ARHGEF7: variants seen among roughly 807,000 people sequenced by gnomAD.
ARHGEF7 encodes PAK-interacting exchange factor beta.
Under a neutral mutation model 109.8 loss-of-function variants are expected in ARHGEF7, and 33 were observed. That is an observed-to-expected ratio of 0.30 (90% CI 0.23 to 0.40). The LOEUF (loss-of-function observed/expected upper bound fraction) is 0.40. Among genes scored for constraint, ARHGEF7 ranks in the 10% least tolerant of loss-of-function variants. The probability of loss-of-function intolerance (pLI) is 1.00; values close to 1 mark genes in which losing one functional copy is unlikely to be tolerated. For missense variants in ARHGEF7, 938 were observed against 1,098.5 expected (o/e 0.85, Z 2.07); for synonymous variants, 458 against 424.6 (o/e 1.08, Z -0.97).
At chr13:111,284,079 G>A (rs1257649080) in intron 16 of ARHGEF7, among the ~76,000 whole-genome samples, 2 of 152,314 alleles carry the variant, frequency 1.3e-5, no homozygotes, top group Admixed American at 6.5e-5. Context: ...TGAGATGAGA[G>A]TTGTTTTCAT....
intron 16 of ARHGEF7, 178 bp downstream of exon 16, chr13:111,283,541 G>T (rs2092883769): frequency 2.8e-6 from 2 of 726,454 alleles, no homozygotes; most frequent in Non-Finnish European, 3.4e-6. Context: ...GAGGCCCGTG[G>T]TAACCTGTGT....
intron 5 of ARHGEF7, 150 bp downstream of exon 5, chr13:111,218,030 C>A: frequency 1.3e-6 from 1 of 757,128 alleles, no homozygotes; most frequent in Non-Finnish European, 2.0e-6. Flanking sequence ...GGATTTTCAC[C>A]TCAGCCCCAC....
At chr13:111,206,985 A>G (rs549533990) in intron 3 of ARHGEF7, among the ~76,000 whole-genome samples, 2 of 151,840 alleles carry the variant, frequency 1.3e-5, no homozygotes, top group East Asian at 3.9e-4. Context: ...AGAAAAAGAA[A>G]AAAAAAGAAA....
chr13:111,245,030 T>A (rs1001904791), intron 8 of ARHGEF7, among the ~76,000 whole-genome samples: 1 of 152,162 alleles, frequency 6.6e-6, no homozygotes, highest in Admixed American at 6.5e-5. Context: ...GAGGCAAAAC[T>A]TCACAGCCCA....
intron 6 of ARHGEF7, among the ~76,000 whole-genome samples, 161 bp downstream of exon 6, chr13:111,233,454 C>T (rs2086380588): frequency 6.6e-6 from 1 of 152,128 alleles, no homozygotes; most frequent in Non-Finnish European, 1.5e-5. Flanking sequence ...GGTCTGTTTC[C>T]TTCTAATCTC....
At position 111,190,076 on chromosome 13, in the gene ARHGEF7, A is replaced by G. The variant is rs532921334; in HGVS notation, c.253-15213A>G. Among the ~76,000 whole-genome samples, 5 of 152,322 alleles carry G rather than the reference A, an allele frequency of 3.3e-5. No homozygotes were observed. The South Asian group carries it at 1.0e-3, about 32-fold the overall frequency. On this transcript the variant is annotated intron_variant, in intron 2 of 21. Coordinates refer to ENST00000646102, the MANE Select transcript of ARHGEF7 (RefSeq NM_001354046.2). ...CCTCCAGAGGAGAACTATTTAGGCTAGTGAAAGGGCCAGTGGGTTTGTCCA... is the reference window on the plus strand; with the variant it reads ...CCTCCAGAGGAGAACTATTTAGGCTGGTGAAAGGGCCAGTGGGTTTGTCCA...
At chr13:111,140,440 T>G (rs2075294307) in intron 1 of ARHGEF7, among the ~76,000 whole-genome samples, 2 of 152,118 alleles carry the variant, frequency 1.3e-5, no homozygotes, top group Admixed American at 1.3e-4. Flanking sequence ...GAACAGAGAC[T>G]TGATGAATGG....
chr13:111,165,121 C>CT (rs2077023821), intron 2 of ARHGEF7, among the ~76,000 whole-genome samples: 1 of 152,136 alleles, frequency 6.6e-6, no homozygotes, highest in Non-Finnish European at 1.5e-5. Context: ...TTGGAGAGAA[C>CT]TTTCTACTCA....
intron 21 of ARHGEF7, 67 bp from the exon 22 acceptor site, chr13:111,302,924 T>C: frequency 6.3e-7 from 1 of 1,591,030 alleles, no homozygotes; most frequent in Non-Finnish European, 8.6e-7. Context: ...AGGATACACA[T>C]TTGGGGAAAG....
Position 111,283,110 on chromosome 13 carries a change from CTGCCCTTCCCGCTCTG to C in ARHGEF7, c.1726-21_1726-6del. 2 of 1,559,798 alleles carry C rather than the reference CTGCCCTTCCCGCTCTG, an allele frequency of 1.3e-6. No individual in the cohort carries two copies. The highest frequency in any genetic ancestry group is 1.7e-6 in the Non-Finnish European group (2 of 1,151,130). On this transcript the variant is annotated splice_polypyrimidine_tract_variant and intron_variant, in intron 15 of 21. Coordinates refer to ENST00000646102, the MANE Select transcript of ARHGEF7 (RefSeq NM_001354046.2). ...GGTGAGCACGCGAGTCTCATGTTCTCTGCCCTTCCCGCTCTGTGCCCTTGGCAGCTCCCCTCCCACC... is the reference window on the plus strand; with the variant it reads ...GGTGAGCACGCGAGTCTCATGTTCTCTGCCCTTGGCAGCTCCCCTCCCACC...
At chr13:111,119,864 A>G (rs2067060230) in intron 1 of ARHGEF7, among the ~76,000 whole-genome samples, 1 of 152,162 alleles carries the variant, frequency 6.6e-6, no homozygotes, top group Admixed American at 6.5e-5. Flanking sequence ...CTTTGGCCCT[A>G]AAAAGAACGT....
chr13:111,199,145 A>C (rs1486667032), intron 2 of ARHGEF7, among the ~76,000 whole-genome samples: 1 of 152,190 alleles, frequency 6.6e-6, no homozygotes, highest in Admixed American at 6.5e-5. Context: ...TCATGTGGCC[A>C]GGCCTGCCCC....
chr13:111,130,798 A>G (rs990993252), intron 1 of ARHGEF7, among the ~76,000 whole-genome samples: 1 of 152,148 alleles, frequency 6.6e-6, no homozygotes, highest in Admixed American at 6.5e-5. Context: ...CGGTTTGGGG[A>G]AGGCTGTCCT....
Position 111,141,434 on chromosome 13 carries a change from G to A in ARHGEF7, c.166-12471G>A, listed in dbSNP as rs185293433. Among the ~76,000 whole-genome samples, 11 of 150,898 alleles carry A rather than the reference G, an allele frequency of 7.3e-5. No individual in the cohort carries two copies. In the East Asian group the frequency reaches 1.2e-3, roughly 16 times the overall value. On this transcript the variant is annotated intron_variant, in intron 1 of 21. Transcript: ENST00000646102. ...GGCTACAGATGAAGAGACATGTAGT[G>A]CGAGCTATGGGGGAAGTGTCGCACA...
At chr13:111,274,395 A>AG (rs1261868967) in intron 10 of ARHGEF7, among the ~76,000 whole-genome samples, 1 of 152,216 alleles carries the variant, frequency 6.6e-6, no homozygotes, top group Non-Finnish European at 1.5e-5. Context: ...CTTTTCTATA[A>AG]GGGGGCAGAC....
intron 10 of ARHGEF7, 88 bp from the exon 11 acceptor site, chr13:111,274,643 G>C (rs1351206666): frequency 1.5e-6 from 1 of 675,070 alleles, no homozygotes; most frequent in Non-Finnish European, 2.3e-6. Flanking sequence ...AAAAGTGTTA[G>C]AAAAGTTTCA....
At chr13:111,299,726 CCTTT>C (rs2093518471) in intron 19 of ARHGEF7, among the ~76,000 whole-genome samples, 1 of 152,092 alleles carries the variant, frequency 6.6e-6, no homozygotes, top group Non-Finnish European at 1.5e-5. Flanking sequence ...ACAGCAAGTG[CCTTT>C]CTTATGATCT....
chr13:111,250,994 TGATTGACTA>T (rs956297592), intron 8 of ARHGEF7, among the ~76,000 whole-genome samples: 52 of 152,174 alleles, frequency 3.4e-4, no homozygotes, highest in African/African-American at 1.1e-3. Flanking sequence ...TAGACATGCA[TGATTGACTA>T]GATCACTGGA....
At chr13:111,162,465 G>A (rs1430781653) in intron 2 of ARHGEF7, among the ~76,000 whole-genome samples, 1 of 152,170 alleles carries the variant, frequency 6.6e-6, no homozygotes, top group Non-Finnish European at 1.5e-5. Context: ...ACATTCTTGG[G>A]CCACTCTGTA....
Sources: gnomAD v4.1 joint callset for allele counts (sites outside exome capture counted in the v4.1 genomes callset) on GRCh38, gnomAD v4.1.1 for gene constraint, MANE v1.5 for transcripts, NCBI Gene and HGNC (gene_info 2026-07-23, HGNC 2026-07-21) for gene names.